Variants in CTNNA3 observed in about 807,000 individuals in gnomAD.
CTNNA3 encodes catenin alpha-3.
A neutral mutation model predicts 95.7 loss-of-function variants in CTNNA3; 76 were observed. The ratio of observed to expected loss-of-function variants is 0.79; its 90% CI spans 0.66 to 0.96. The LOEUF (loss-of-function observed/expected upper bound fraction) is 0.96. Ranked by LOEUF, CTNNA3 falls within the 40% of genes least tolerant of loss-of-function variation. The pLI is 0.00. For missense variants in CTNNA3, 1,191 were observed against 1,089.8 expected, an observed-to-expected ratio of 1.09 and a Z score of -1.31; for synonymous variants, 431 against 374.4, an observed-to-expected ratio of 1.15 and a Z score of -1.74.
intron 7 of CTNNA3, among the ~76,000 whole-genome samples, chr10:67,179,882 C>T (rs754187180): frequency 4.6e-5 from 7 of 152,056 alleles, no homozygotes; most frequent in Non-Finnish European, 1.0e-4. Flanking sequence ...GCTCTTTACA[C>T]GCCTTCAAAC....
intron 12 of CTNNA3, among the ~76,000 whole-genome samples, chr10:66,327,666 G>A (rs2092271383): frequency 1.3e-5 from 2 of 151,772 alleles, no homozygotes; most frequent in Non-Finnish European, 1.5e-5. Context: ...ATCTTCAAGT[G>A]CAATTCTTAG....
At chr10:67,170,243 C>T (rs140457836) in intron 7 of CTNNA3, among the ~76,000 whole-genome samples, 271 of 152,282 alleles carry the variant, frequency 1.8e-3, no homozygotes, top group African/African-American at 6.3e-3. Context: ...GCAGAACTGC[C>T]ATTCGACCCA....
Position 66,605,939 on chromosome 10 carries a change from G to A in CTNNA3, c.1374+15753C>T, listed in dbSNP as rs528643051. On this transcript the variant is annotated intron_variant, in intron 10 of 17. Transcript: ENST00000433211. ...CACCTAACATCATGATGACAGGATC[G>A]AATCCACACATACCAATACTAACCT... Among the ~76,000 whole-genome samples the A allele has an allele frequency of 5.9e-5, 9 of 152,078 alleles. No individual in the cohort carries two copies. In the South Asian group the frequency reaches 1.0e-3, roughly 18 times the overall value.
intron 11 of CTNNA3, among the ~76,000 whole-genome samples, chr10:66,515,026 A>T (rs1225497306): frequency 5.3e-5 from 8 of 152,130 alleles, no homozygotes; most frequent in Admixed American, 3.3e-4. Flanking sequence ...ATCTTTAGTC[A>T]ATATTGGACC....
At chr10:66,179,603 C>T (rs1042992792) in intron 13 of CTNNA3, among the ~76,000 whole-genome samples, 4 of 151,990 alleles carry the variant, frequency 2.6e-5, no homozygotes, top group African/African-American at 4.8e-5. Context: ...AGATAAATGG[C>T]TAAATAAATA....
At chr10:66,381,640 C>T (rs1050996747) in intron 11 of CTNNA3, among the ~76,000 whole-genome samples, 1 of 152,068 alleles carries the variant, frequency 6.6e-6, no homozygotes, top group Admixed American at 6.6e-5. Context: ...GAACACATAT[C>T]TGTTATCTGA....
chr10:67,078,254 G>C (rs1466786838), intron 7 of CTNNA3, among the ~76,000 whole-genome samples: 1 of 152,172 alleles, frequency 6.6e-6, no homozygotes, highest in African/African-American at 2.4e-5. Context: ...TTCAAGTTCT[G>C]GAAAGACTTA....
At chr10:66,508,386 T>G (rs909351061) in intron 11 of CTNNA3, among the ~76,000 whole-genome samples, 2 of 151,862 alleles carry the variant, frequency 1.3e-5, no homozygotes, top group African/African-American at 2.4e-5. Flanking sequence ...TTTGACTATT[T>G]TAAATAGTTT....
At chr10:66,736,063 G>A in intron 9 of CTNNA3, among the ~76,000 whole-genome samples, 1 of 152,186 alleles carries the variant, frequency 6.6e-6, no homozygotes, top group Non-Finnish European at 1.5e-5. Context: ...CCTGCAGAGT[G>A]CAGTTGAGCC....
chr10:66,083,916 A>T (rs2080867199), intron 14 of CTNNA3, among the ~76,000 whole-genome samples: 1 of 152,076 alleles, frequency 6.6e-6, no homozygotes, highest in African/African-American at 2.4e-5. Flanking sequence ...CAGGTGGATT[A>T]CCTAAGGTTG....
intron 5 of CTNNA3, among the ~76,000 whole-genome samples, chr10:67,310,880 G>A (rs1214999488): frequency 6.6e-6 from 1 of 152,084 alleles, no homozygotes; most frequent in African/African-American, 2.4e-5. Flanking sequence ...GGACACAGGG[G>A]ACATAGCCAA....
intron 13 of CTNNA3, among the ~76,000 whole-genome samples, chr10:66,222,281 C>T (rs1333985743): frequency 1.3e-5 from 2 of 152,184 alleles, no homozygotes; most frequent in Non-Finnish European, 2.9e-5. Context: ...CACCCCTACA[C>T]AGCGTATAAC....
At chr10:65,949,755 G>A (rs562674971) in intron 17 of CTNNA3, among the ~76,000 whole-genome samples, 3 of 152,268 alleles carry the variant, frequency 2.0e-5, no homozygotes, top group East Asian at 3.9e-4. Context: ...TTGGTTGTCA[G>A]AGCATGCAGG....
At chr10:66,687,200 AG>A (rs1847329224) in intron 9 of CTNNA3, among the ~76,000 whole-genome samples, 1 of 152,158 alleles carries the variant, frequency 6.6e-6, no homozygotes, top group Non-Finnish European at 1.5e-5. Flanking sequence ...TATGGCAAAA[AG>A]AATGGAAAAA....
chr10:66,346,211 G>GTATATATATATATA (rs368554085), intron 12 of CTNNA3, among the ~76,000 whole-genome samples: 5 of 105,514 alleles, frequency 4.7e-5, no homozygotes, highest in Admixed American at 1.1e-4. Flanking sequence ...ATGTGTGTGT[G>GTATATATATATATA]TATATATATA....
chr10:67,258,830 G>T (rs1866464233), intron 5 of CTNNA3, among the ~76,000 whole-genome samples: 3 of 152,062 alleles, frequency 2.0e-5, no homozygotes, highest in Non-Finnish European at 4.4e-5. Flanking sequence ...GAATATGTTT[G>T]TCCTTCGTAC....
At chr10:67,521,474 C>A (rs905924646) in intron 5 of CTNNA3, among the ~76,000 whole-genome samples, 2 of 152,086 alleles carry the variant, frequency 1.3e-5, no homozygotes, top group African/African-American at 4.8e-5. Flanking sequence ...TTATCCTGGT[C>A]TTCAGGTGAT....
At chr10:66,712,394 T>C (rs2132609866) in intron 9 of CTNNA3, among the ~76,000 whole-genome samples, 1 of 152,268 alleles carries the variant, frequency 6.6e-6, no homozygotes, top group Non-Finnish European at 1.5e-5. Context: ...AGTAAGAATT[T>C]ATTGTCCCAA....
intron 1 of CTNNA3, among the ~76,000 whole-genome samples, chr10:67,743,225 T>C (rs1423918049): frequency 6.6e-6 from 1 of 151,176 alleles, no homozygotes; most frequent in Admixed American, 6.6e-5. Context: ...CCAATATCCT[T>C]GATGAACATT....
Sources: gnomAD v4.1 joint callset for allele counts (sites outside exome capture counted in the v4.1 genomes callset) on GRCh38, gnomAD v4.1.1 for gene constraint, MANE v1.5 for transcripts, NCBI Gene and HGNC (gene_info 2026-07-23, HGNC 2026-07-21) for gene names.